The following CTNNB1 variants were observed in gnomAD, a reference collection of about 807,000 sequenced individuals.
CTNNB1 encodes catenin beta-1.
A neutral mutation model predicts 82.5 loss-of-function variants in CTNNB1; 6 were observed. The observed-to-expected ratio is 0.07, with a 90% CI of 0.04 to 0.14. CTNNB1 has a LOEUF of 0.14. Among genes scored for constraint, CTNNB1 ranks in the 10% least tolerant of loss-of-function variants. The pLI is 1.00. For synonymous variants in CTNNB1, 312 were observed against 329.7 expected (o/e 0.95, Z 0.58); for missense variants, 529 against 980.4 (o/e 0.54, Z 6.15).
At chr3:41,208,969 C>T (rs545482460) in intron 1 of CTNNB1, among the ~76,000 whole-genome samples, 1 of 152,310 alleles carries the variant, frequency 6.6e-6, no homozygotes, top group African/African-American at 2.4e-5. Flanking sequence ...TTTATGTACT[C>T]CCGTTTTCTT....
chr3:41,217,223 C>G (rs981877878), intron 1 of CTNNB1, among the ~76,000 whole-genome samples: 3 of 152,184 alleles, frequency 2.0e-5, no homozygotes, highest in African/African-American at 4.8e-5. Flanking sequence ...GCCAGCTGCT[C>G]CTCCTCTGAT....
chr3:41,225,011 C>G lies in CTNNB1; in HGVS notation c.299C>G (p.Pro100Arg), dbSNP rs2125619960. 1 of 1,614,042 alleles carries G rather than the reference C, an allele frequency of 6.2e-7. No individual in the cohort carries two copies. Among genetic ancestry groups the G allele is most frequent in the Non-Finnish European group, 8.5e-7 (1 of 1,179,964 alleles). ...CAGAGGGTACGAGCTGCTATGTTCCCTGAGACATTAGATGAGGGCATGCAG... is the reference window on the plus strand; with the variant it reads ...CAGAGGGTACGAGCTGCTATGTTCCGTGAGACATTAGATGAGGGCATGCAG... The part of the protein sequence containing the change: ...RAQRVRAAMF[P>R]ETLDEGMQIP... The change falls in exon 4 of 15, where the codon CCT becomes CGT. Residue 100 changes from proline (P) to arginine (R), a missense_variant. By Grantham distance (103) the Pro-to-Arg change is moderately radical. Coordinates refer to ENST00000349496, the MANE Select transcript of CTNNB1 (RefSeq NM_001904.4). The surrounding 1 kb of genome is among the most constrained non-coding windows in gnomAD (Gnocchi z 5.3).
At chr3:41,237,717 T>A in intron 13 of CTNNB1, 1 of 182,368 alleles carries the variant, frequency 5.5e-6, no homozygotes, top group Non-Finnish European at 1.1e-5. Context: ...TTTTTTTTTT[T>A]TAAACTGCTA....
chr3:41,231,105 A>G (rs2078296749), intron 7 of CTNNB1, among the ~76,000 whole-genome samples: 1 of 152,088 alleles, frequency 6.6e-6, no homozygotes, highest in Non-Finnish European at 1.5e-5. Context: ...AGGTGGGCGG[A>G]TCATGAGGTC....
At position 41,234,449 on chromosome 3, in the gene CTNNB1, A is replaced by G. The variant is rs375826347; in HGVS notation, c.1683+152A>G. ...AATAAATAAATAATTACACATTTCT[A>G]TGGCTGCAGAGAAAATAAGGCATAG... On this transcript the variant is annotated intron_variant, in intron 10 of 14. Coordinates refer to ENST00000349496, the MANE Select transcript of CTNNB1 (RefSeq NM_001904.4). 90 of 792,082 alleles carry G rather than the reference A, an allele frequency of 1.1e-4. 1 individual carries two copies. The East Asian group carries it at 2.1e-3, about 19-fold the overall frequency. The allele number at this position is 792,082 out of a possible 1,614,324, so 49.1% of individuals were successfully genotyped here. A position where few individuals can be genotyped will look rare whatever the true frequency, so the allele number is the denominator to read the frequency against.
chr3:41,225,640 G>A lies in CTNNB1; in HGVS notation c.735-20G>A, dbSNP rs770830952. The A allele has an allele frequency of 2.6e-5, 42 of 1,613,838 alleles. No individual in the cohort carries two copies. In the Admixed American group the frequency reaches 7.0e-4, roughly 27 times the overall value. On this transcript the variant is annotated intron_variant, in intron 5 of 14. Coordinates refer to ENST00000349496, the MANE Select transcript of CTNNB1 (RefSeq NM_001904.4). This position sits in a 1 kb window ranked among gnomAD's most constrained non-coding sequence, Gnocchi z 5.3. Reference sequence around the variant, plus strand: ...AGTATACTCACAATATTTCTGATGAGGCTTTTTTCTTCTTCCCAGTTCACC... The same window carrying A: ...AGTATACTCACAATATTTCTGATGAAGCTTTTTTCTTCTTCCCAGTTCACC...
intron 1 of CTNNB1, among the ~76,000 whole-genome samples, chr3:41,223,251 A>G (rs2078093607): frequency 6.6e-6 from 1 of 152,196 alleles, no homozygotes; most frequent in African/African-American, 2.4e-5. Context: ...ATTTGCAAGT[A>G]GTTCCCTGTG....
At chr3:41,211,960 A>G (rs1031793946) in intron 1 of CTNNB1, among the ~76,000 whole-genome samples, 3 of 152,224 alleles carry the variant, frequency 2.0e-5, no homozygotes, top group Admixed American at 6.5e-5. Flanking sequence ...AGAAACTTAC[A>G]GGGCTTACCA....
chr3:41,209,302 T>G (rs1440048524), intron 1 of CTNNB1, among the ~76,000 whole-genome samples: 3 of 152,200 alleles, frequency 2.0e-5, no homozygotes, highest in Non-Finnish European at 4.4e-5. Flanking sequence ...TTGGTATCCT[T>G]AAACTGGTAT....
chr3:41,215,603 T>G (rs1479179996), intron 1 of CTNNB1, among the ~76,000 whole-genome samples: 1 of 151,984 alleles, frequency 6.6e-6, no homozygotes, highest in Non-Finnish European at 1.5e-5. Flanking sequence ...CCTCACAGAG[T>G]TCACTTCATT....
intron 1 of CTNNB1, among the ~76,000 whole-genome samples, chr3:41,208,322 AGAT>A (rs1157613081): frequency 1.3e-5 from 2 of 152,172 alleles, no homozygotes; most frequent in African/African-American, 4.8e-5. Context: ...TTGATGTAGA[AGAT>A]GCTTCCAATA....
intron 1 of CTNNB1, among the ~76,000 whole-genome samples, chr3:41,206,426 T>C (rs1171030739): frequency 6.6e-6 from 1 of 152,182 alleles, no homozygotes; most frequent in Non-Finnish European, 1.5e-5. Context: ...TATATGTGCA[T>C]ATATATAGCA....
chr3:41,239,986 C>CTTTTTTTTTTTTTTTTTTTTTTTTTTTT lies in CTNNB1; in HGVS notation c.*669_*670insTTTTTTTTTTTTTTTTTTTTTTTTTTTT, dbSNP rs1207330730. 3.3e-4 allele frequency: 10 copies of CTTTTTTTTTTTTTTTTTTTTTTTTTTTT among 30,586 alleles called. 1 individual carries two copies. The highest frequency in any genetic ancestry group is 2.8e-3 in the South Asian group (1 of 362). 1.9% of individuals were successfully genotyped at this position (30,586 alleles called of 1,614,324 possible). A position where few individuals can be genotyped will look rare whatever the true frequency, so the allele number is the denominator to read the frequency against. ...TGACTTTGCTTGCTTTGAAGTAGCT[C>CTTTTTTTTTTTTTTTTTTTTTTTTTTTT]TTTTTTTTTTTTTTTTTTTTTTTTT... On this transcript the variant is annotated 3_prime_UTR_variant, in exon 15 of 15. Transcript: ENST00000349496.
chr3:41,215,213 TAAAAAA>T lies in CTNNB1; in HGVS notation c.-48-8788_-48-8783del, dbSNP rs10576683. On this transcript the variant is annotated intron_variant, in intron 1 of 14. Coordinates refer to ENST00000349496, the MANE Select transcript of CTNNB1 (RefSeq NM_001904.4). Reference sequence around the variant, plus strand: ...CAAGATGGTGAAACCCTGTCTCCATTAAAAAAAAAAAAAAAAAAAAAAAAATAGCTG... The same window carrying T: ...CAAGATGGTGAAACCCTGTCTCCATTAAAAAAAAAAAAAAAAAAATAGCTG... Among the ~76,000 whole-genome samples, 7 of 76,164 alleles carry T rather than the reference TAAAAAA, an allele frequency of 9.2e-5. No homozygotes were observed. The East Asian group carries it at 2.8e-3, about 30-fold the overall frequency. 50.0% of individuals were successfully genotyped at this position (76,164 alleles called of 152,430 possible). A position where few individuals can be genotyped will look rare whatever the true frequency, so the allele number is the denominator to read the frequency against.
chr3:41,224,406 G>A, intron 2 of CTNNB1, 120 bp from the exon 3 acceptor site: 1 of 1,083,008 alleles, frequency 9.2e-7, no homozygotes, highest in Non-Finnish European at 1.4e-6. Context: ...TTTCTTGGCT[G>A]TCTTTCAGAT....
chr3:41,238,886 AG>A (rs1346578616), intron 14 of CTNNB1, among the ~76,000 whole-genome samples: 1 of 152,176 alleles, frequency 6.6e-6, no homozygotes, highest in Non-Finnish European at 1.5e-5. Flanking sequence ...TGATGTGACT[AG>A]GCCCTGCTGG....
At chr3:41,210,744 A>G (rs2077762613) in intron 1 of CTNNB1, among the ~76,000 whole-genome samples, 1 of 152,170 alleles carries the variant, frequency 6.6e-6, no homozygotes, top group Non-Finnish European at 1.5e-5. Context: ...AACCTGTAAC[A>G]ATCATTATCA....
chr3:41,238,180 A>G lies in CTNNB1; in HGVS notation c.2137+104A>G. 5.1e-6 allele frequency: 5 copies of G among 972,156 alleles called. No homozygotes were observed. The East Asian group carries it at 1.2e-4, about 23-fold the overall frequency. The allele number at this position is 972,156 out of a possible 1,614,324, so 60.2% of individuals were successfully genotyped here. A position where few individuals can be genotyped will look rare whatever the true frequency, so the allele number is the denominator to read the frequency against. On this transcript the variant is annotated intron_variant, in intron 14 of 14. Coordinates refer to ENST00000349496, the MANE Select transcript of CTNNB1 (RefSeq NM_001904.4). ...ATCTGGGAAACCAGTGTTGGCAGAA[A>G]AGTAGTGGCTTCAATTAAAAGCAGT...
intron 7 of CTNNB1, among the ~76,000 whole-genome samples, chr3:41,227,556 C>T (rs913395537): frequency 6.6e-6 from 1 of 152,074 alleles, no homozygotes; most frequent in Non-Finnish European, 1.5e-5. Flanking sequence ...TTCTTATTAT[C>T]CATCAAAAAT....
Sources: allele counts gnomAD v4.1 joint callset (sites outside exome capture counted in the v4.1 genomes callset), GRCh38; gene constraint gnomAD v4.1.1; non-coding constraint Gnocchi (gnomAD v3.1); transcripts MANE v1.5; gene names NCBI Gene and HGNC (gene_info 2026-07-23, HGNC 2026-07-21).